PROM1: variants seen among roughly 807,000 people sequenced by gnomAD.
PROM1 encodes the protein prominin-1.
A neutral mutation model predicts 116.9 loss-of-function variants in PROM1; 105 were observed. The observed-to-expected ratio is 0.90, with a 90% CI of 0.77 to 1.06. The LOEUF (loss-of-function observed/expected upper bound fraction) is 1.06. Ranked by LOEUF, PROM1 falls within the 50% of genes least tolerant of loss-of-function variation. PROM1 has a pLI of 0.00. For missense variants in PROM1, 1,122 were observed against 1,045.2 expected (o/e 1.07, Z -1.01); for synonymous variants, 393 against 387.0 (o/e 1.02, Z -0.18).
At chr4:16,021,525 T>A (rs13106881) in intron 8 of PROM1, among the ~76,000 whole-genome samples, 76,187 of 152,144 alleles carry the variant, frequency 0.5, 22,531 homozygotes, top group Non-Finnish European at 0.68. Context: ...ACAACCCAGT[T>A]AATATGTTAT....
intron 2 of PROM1, among the ~76,000 whole-genome samples, chr4:16,044,894 A>C (rs1222261564): frequency 6.6e-6 from 1 of 152,144 alleles, no homozygotes; most frequent in African/African-American, 2.4e-5. Flanking sequence ...ACAAATCTAC[A>C]TGGTTCAAAA....
chr4:16,041,616 A>G (rs1381339296), intron 2 of PROM1, among the ~76,000 whole-genome samples: 3 of 151,890 alleles, frequency 2.0e-5, no homozygotes, highest in Non-Finnish European at 4.4e-5. Flanking sequence ...GAGACCCCAC[A>G]TTAGTCAAGT....
intron 2 of PROM1, among the ~76,000 whole-genome samples, chr4:16,071,803 A>G (rs938733788): frequency 7.9e-5 from 12 of 152,164 alleles, no homozygotes; most frequent in African/African-American, 2.9e-4. Flanking sequence ...TTATTCCAAG[A>G]AACTGAATGG....
chr4:16,077,447 A>G (rs1398227087), intron 1 of PROM1, among the ~76,000 whole-genome samples: 1 of 152,212 alleles, frequency 6.6e-6, no homozygotes, highest in Non-Finnish European at 1.5e-5. Flanking sequence ...GAAACACCCA[A>G]GAATGATCAA....
At chr4:16,029,359 G>GT (rs1304288550) in intron 5 of PROM1, among the ~76,000 whole-genome samples, 1 of 95,822 alleles carries the variant, frequency 1.0e-5, no homozygotes, top group Non-Finnish European at 2.4e-5. Flanking sequence ...GTCAAGTCAT[G>GT]GTTTTTTTTT....
chr4:15,995,676 C>G (rs1445403909), intron 15 of PROM1, among the ~76,000 whole-genome samples: 1 of 152,116 alleles, frequency 6.6e-6, no homozygotes, highest in East Asian at 1.9e-4. Context: ...TGTCCCTCGG[C>G]CGAGGTACCT....
chr4:16,041,559 C>T (rs1735234055), intron 2 of PROM1, among the ~76,000 whole-genome samples: 2 of 151,832 alleles, frequency 1.3e-5, no homozygotes, highest in Admixed American at 6.6e-5. Context: ...CAGAGGATTG[C>T]TGAGCCCAGG....
intron 2 of PROM1, among the ~76,000 whole-genome samples, chr4:16,059,111 T>C (rs529801556): frequency 6.6e-6 from 1 of 152,210 alleles, no homozygotes; most frequent in African/African-American, 2.4e-5. Flanking sequence ...TTTCATGGAA[T>C]GCATTGTTCA....
intron 2 of PROM1, among the ~76,000 whole-genome samples, chr4:16,060,822 A>G (rs1156562796): frequency 6.6e-6 from 1 of 152,212 alleles, no homozygotes; most frequent in Non-Finnish European, 1.5e-5. Flanking sequence ...TTTAGAATAA[A>G]CTTAGTTTGA....
Position 15,993,993 on chromosome 4 carries a change from A to G in PROM1, c.1761T>C (p.Ile587=). ...NSFNISEHLN[I]NEHTGSISSE... ...CATGACGAGTTCTAATTACCTCATT[A>G]ATGTTGAGATGTTCACTGATATTGA... is the stretch of plus-strand genomic sequence containing the variant. The change falls in exon 16 of 28, where the codon ATT becomes ATC. Residue 587 remains isoleucine, a synonymous_variant. Transcript: ENST00000447510. 2 of 1,613,766 alleles carry G rather than the reference A, an allele frequency of 1.2e-6. No individual in the cohort carries two copies. The highest frequency in any genetic ancestry group is 1.7e-6 in the Non-Finnish European group (2 of 1,179,738).
rs1280326810 is a variant in PROM1 at position 15,979,394 on chromosome 4, C to T, written c.2582+1G>A. The T allele has an allele frequency of 6.2e-7, 1 of 1,613,528 alleles. No homozygotes were observed. Among genetic ancestry groups the T allele is most frequent in the Non-Finnish European group, 8.5e-7 (1 of 1,179,730 alleles). ...GCATGCACTTCCAGACTTTGCTTTA[C>T]CTTGTCATAACAGGATTGTGAATAC... On this transcript the variant is annotated splice_donor_variant, in intron 26 of 27. Transcript: ENST00000447510. LOFTEE classifies it high-confidence loss of function.
chr4:16,037,121 G>A (rs1351776140), intron 3 of PROM1, among the ~76,000 whole-genome samples: 1 of 152,152 alleles, frequency 6.6e-6, no homozygotes, highest in Non-Finnish European at 1.5e-5. Flanking sequence ...GCCACCTAAG[G>A]GTCTCAGGAC....
chr4:16,009,622 T>C (rs1016336408), intron 11 of PROM1, among the ~76,000 whole-genome samples: 1 of 151,994 alleles, frequency 6.6e-6, no homozygotes, highest in Non-Finnish European at 1.5e-5. Context: ...AAATAAATAA[T>C]AATAATAATT....
chr4:16,046,288 T>C (rs1004885205), intron 2 of PROM1, among the ~76,000 whole-genome samples: 2 of 152,234 alleles, frequency 1.3e-5, no homozygotes, highest in Admixed American at 1.3e-4. Flanking sequence ...GGTTCCCATA[T>C]GGAAGGGATC....
At chr4:16,033,582 AGTTC>A in intron 4 of PROM1, 73 bp from the exon 5 acceptor site, 1 of 556,026 alleles carries the variant, frequency 1.8e-6, no homozygotes, top group African/African-American at 2.6e-5. Context: ...TGGTGTACAA[AGTTC>A]TTTTTTTTTT....
chr4:16,041,751 TAAATAAATAAATA>T (rs1412823245), intron 2 of PROM1, among the ~76,000 whole-genome samples: 3 of 34,624 alleles, frequency 8.7e-5, no homozygotes, highest in Non-Finnish European at 3.9e-4. Context: ...CTGCCTCAAA[TAAATAAATAAATA>T]AATAAATAAA....
chr4:15,994,210 T>G (rs1055885014), intron 15 of PROM1, 139 bp from the exon 16 acceptor site: 1 of 1,478,310 alleles, frequency 6.8e-7, no homozygotes, highest in African/African-American at 1.4e-5. Context: ...ATGTCCCCAG[T>G]GGCCACACAA....
chr4:15,980,389 G>C, intron 24 of PROM1, 33 bp downstream of exon 24: 1 of 1,370,412 alleles, frequency 7.3e-7, no homozygotes, highest in South Asian at 1.3e-5. Context: ...CCTAGAAAAT[G>C]ACCCCCACGT....
chr4:16,082,063 T>G (rs1165989587), intron 1 of PROM1: 1 of 152,186 alleles, frequency 6.6e-6, no homozygotes, highest in South Asian at 2.1e-4. Context: ...AAGGAGGATT[T>G]CGCATAGGGT....
Sources: allele counts gnomAD v4.1 joint callset (sites outside exome capture counted in the v4.1 genomes callset), GRCh38; gene constraint gnomAD v4.1.1; transcripts MANE v1.5; gene names NCBI Gene and HGNC (gene_info 2026-07-23, HGNC 2026-07-21).